Variants in NELL1 observed in about 807,000 individuals in gnomAD.
NELL1 encodes the protein neural EGFL like 1.
Under a neutral mutation model 107.4 loss-of-function variants are expected in NELL1, and 76 were observed. The ratio of observed to expected loss-of-function variants is 0.71; its 90% CI spans 0.59 to 0.86. The LOEUF (loss-of-function observed/expected upper bound fraction) is 0.86. Among genes scored for constraint, NELL1 ranks in the 40% least tolerant of loss-of-function variants. The pLI is 0.00. For synonymous variants in NELL1, 353 were observed against 341.2 expected, an observed-to-expected ratio of 1.03 and a Z score of -0.38; for missense variants, 1,024 against 1,005.5, an observed-to-expected ratio of 1.02 and a Z score of -0.25.
At chr11:21,441,554 A>G (rs1051628453) in intron 15 of NELL1, among the ~76,000 whole-genome samples, 1 of 152,156 alleles carries the variant, frequency 6.6e-6, no homozygotes, top group Non-Finnish European at 1.5e-5. Flanking sequence ...ATATTGTAAC[A>G]CTTTCATTAG....
intron 13 of NELL1, among the ~76,000 whole-genome samples, chr11:21,219,988 G>C (rs1376983096): frequency 6.6e-6 from 1 of 152,184 alleles, no homozygotes; most frequent in African/African-American, 2.4e-5. Flanking sequence ...AGAGAGCAAA[G>C]AGGAGGTGCT....
chr11:21,417,461 G>A (rs1042288809), intron 15 of NELL1, among the ~76,000 whole-genome samples: 7 of 151,046 alleles, frequency 4.6e-5, no homozygotes, highest in East Asian at 1.9e-4. Flanking sequence ...CAGATTCATC[G>A]TTTAAGGGGT....
At chr11:20,831,710 G>T (rs991494129) in intron 3 of NELL1, among the ~76,000 whole-genome samples, 1 of 152,094 alleles carries the variant, frequency 6.6e-6, no homozygotes, top group African/African-American at 2.4e-5. Context: ...TTTCAAGTTT[G>T]CCCAAAATAA....
chr11:21,196,050 T>C (rs534855281), intron 13 of NELL1, among the ~76,000 whole-genome samples: 5 of 152,340 alleles, frequency 3.3e-5, no homozygotes, highest in Non-Finnish European at 5.9e-5. Flanking sequence ...ACATCTTGTG[T>C]GTATGATCTG....
At chr11:20,747,256 G>A (rs1292429177) in intron 2 of NELL1, among the ~76,000 whole-genome samples, 3 of 152,136 alleles carry the variant, frequency 2.0e-5, no homozygotes, top group Non-Finnish European at 2.9e-5. Flanking sequence ...TATTTTGTAC[G>A]ATACATTTTA....
intron 2 of NELL1, among the ~76,000 whole-genome samples, chr11:20,781,685 AT>A (rs1039288201): frequency 6.6e-6 from 1 of 151,782 alleles, no homozygotes; most frequent in African/African-American, 2.4e-5. Flanking sequence ...TAAGACTTGA[AT>A]TTTTTTTGGC....
intron 14 of NELL1, among the ~76,000 whole-genome samples, chr11:21,240,774 G>GGC (rs1554986462): frequency 5.1e-5 from 7 of 137,262 alleles, no homozygotes; most frequent in African/African-American, 1.6e-4. Flanking sequence ...AGTGGGGGGG[G>GGC]GGAGGGGGGA....
chr11:21,567,059 T>C (rs1856989242), intron 17 of NELL1, among the ~76,000 whole-genome samples: 1 of 151,824 alleles, frequency 6.6e-6, no homozygotes, highest in Non-Finnish European at 1.5e-5. Context: ...TCATAGCCTG[T>C]TGTGCAGCGA....
intron 14 of NELL1, among the ~76,000 whole-genome samples, chr11:21,338,383 C>G (rs1281966506): frequency 6.6e-6 from 1 of 152,198 alleles, no homozygotes; most frequent in African/African-American, 2.4e-5. Flanking sequence ...CACACTTTAA[C>G]TGGGTATGTG....
At position 21,133,949 on chromosome 11, in the gene NELL1, C is replaced by G. The variant is rs1314923170; in HGVS notation, c.1426+20235C>G. ...CAGCTCTTGCAGGCTCCATGGGGCA[C>G]GTAGCCCCAGCCATGCCTCCTCCAC... On this transcript the variant is annotated intron_variant, in intron 13 of 19. Coordinates refer to ENST00000357134, the MANE Select transcript of NELL1 (RefSeq NM_006157.5). Among the ~76,000 whole-genome samples the G allele has an allele frequency of 2.0e-5, 3 of 152,214 alleles. No individual in the cohort carries two copies. The East Asian group carries it at 5.8e-4, about 29-fold the overall frequency.
intron 17 of NELL1, among the ~76,000 whole-genome samples, chr11:21,569,730 A>C (rs1000631033): frequency 3.3e-5 from 5 of 151,810 alleles, no homozygotes; most frequent in Non-Finnish European, 5.9e-5. Context: ...CTGATTTTTT[A>C]CATTATAACA....
chr11:21,125,996 G>A (rs966622017), intron 13 of NELL1, among the ~76,000 whole-genome samples: 2 of 152,186 alleles, frequency 1.3e-5, no homozygotes, highest in African/African-American at 4.8e-5. Flanking sequence ...AAAGTGCTTG[G>A]AAGAGAGCTC....
intron 4 of NELL1, among the ~76,000 whole-genome samples, chr11:20,855,182 T>C (rs1040240465): frequency 1.3e-5 from 2 of 152,238 alleles, no homozygotes; most frequent in Admixed American, 6.5e-5. Flanking sequence ...TTTTTCTTTT[T>C]TTTTTTTTTC....
intron 13 of NELL1, among the ~76,000 whole-genome samples, chr11:21,199,432 T>C (rs1857219690): frequency 6.6e-6 from 1 of 152,166 alleles, no homozygotes; most frequent in Non-Finnish European, 1.5e-5. Context: ...CATCAGATGT[T>C]TGAGGCAGCA....
At chr11:20,737,173 C>T (rs1017854880) in intron 2 of NELL1, among the ~76,000 whole-genome samples, 1 of 152,196 alleles carries the variant, frequency 6.6e-6, no homozygotes, top group Non-Finnish European at 1.5e-5. Context: ...CTAGAGCTCA[C>T]ATAGGCTCTG....
intron 10 of NELL1, among the ~76,000 whole-genome samples, chr11:20,943,119 A>AGT (rs1850890718): frequency 6.6e-6 from 1 of 151,356 alleles, no homozygotes. Flanking sequence ...TTGCACAGGT[A>AGT]GTGTGTGTGT....
At chr11:21,180,307 T>G (rs1386734636) in intron 13 of NELL1, among the ~76,000 whole-genome samples, 2 of 151,856 alleles carry the variant, frequency 1.3e-5, no homozygotes, top group Non-Finnish European at 2.9e-5. Context: ...GGTGTGCAAA[T>G]CAGCGGGTGT....
At chr11:20,886,126 C>A (rs762686664) in intron 5 of NELL1, among the ~76,000 whole-genome samples, 2 of 151,952 alleles carry the variant, frequency 1.3e-5, no homozygotes, top group Non-Finnish European at 2.9e-5. Context: ...AGAGAGGGAG[C>A]CATGGGCTGA....
At chr11:21,367,235 T>A (rs937519850) in intron 14 of NELL1, among the ~76,000 whole-genome samples, 2 of 149,554 alleles carry the variant, frequency 1.3e-5, no homozygotes, top group Non-Finnish European at 3.0e-5. Context: ...AATGGCACTA[T>A]AATGACAGAT....
Sources: gnomAD v4.1 joint callset for allele counts (sites outside exome capture counted in the v4.1 genomes callset) on GRCh38, gnomAD v4.1.1 for gene constraint, MANE v1.5 for transcripts, NCBI Gene and HGNC (gene_info 2026-07-23, HGNC 2026-07-21) for gene names.